Variants in CAPZA2 observed in about 807,000 individuals in gnomAD.
CAPZA2 encodes capping actin protein of muscle Z-line subunit alpha 2, also known as F-actin-capping protein subunit alpha-2.
In CAPZA2, 13 loss-of-function variants were observed where a neutral mutation model predicts 44.0. The observed-to-expected ratio is 0.30, with a 90% CI of 0.19 to 0.47. CAPZA2 has a LOEUF of 0.47. Among genes scored for constraint, CAPZA2 ranks in the 20% least tolerant of loss-of-function variants. The probability of loss-of-function intolerance (pLI) is 1.00; values close to 1 mark genes in which losing one functional copy is unlikely to be tolerated. For missense variants in CAPZA2, 244 were observed against 338.6 expected, an observed-to-expected ratio of 0.72 and a Z score of 2.19; for synonymous variants, 94 against 108.2, an observed-to-expected ratio of 0.87 and a Z score of 0.81.
intron 2 of CAPZA2, 77 bp downstream of exon 2, chr7:116,888,267 A>G (rs1490602096): frequency 2.0e-6 from 2 of 988,116 alleles, no homozygotes. Context: ...AATCAAAATA[A>G]GCTAAGGACA....
chr7:116,908,396 A>T (rs1349991877), intron 6 of CAPZA2, among the ~76,000 whole-genome samples: 1 of 152,168 alleles, frequency 6.6e-6, no homozygotes, highest in Non-Finnish European at 1.5e-5. Flanking sequence ...TTTCTCCAGG[A>T]TCTAGCAGTA....
intron 1 of CAPZA2, among the ~76,000 whole-genome samples, chr7:116,886,269 A>G (rs1478498871): frequency 2.6e-5 from 4 of 152,314 alleles, no homozygotes; most frequent in East Asian, 3.9e-4. Context: ...TCCAGAACCT[A>G]AAGTTCTATT....
intron 1 of CAPZA2, among the ~76,000 whole-genome samples, chr7:116,870,902 A>G (rs1796546593): frequency 6.6e-6 from 1 of 152,224 alleles, no homozygotes; most frequent in African/African-American, 2.4e-5. Context: ...CAACTGGAGA[A>G]CACAGGAAAG....
chr7:116,913,520 ATT>A (rs1791623995), intron 8 of CAPZA2, among the ~76,000 whole-genome samples: 3 of 152,022 alleles, frequency 2.0e-5, no homozygotes, highest in Admixed American at 1.3e-4. Context: ...AAATTTAAGA[ATT>A]TTTGAACTTG....
At chr7:116,903,242 G>GTGTA (rs1377388725) in intron 4 of CAPZA2, among the ~76,000 whole-genome samples, 2 of 147,700 alleles carry the variant, frequency 1.4e-5, no homozygotes, top group Non-Finnish European at 3.0e-5. Flanking sequence ...GAGTGTGTGT[G>GTGTA]TGTGTGTGTG....
chr7:116,863,392 AT>A (rs1796443108), intron 1 of CAPZA2, among the ~76,000 whole-genome samples: 1 of 151,946 alleles, frequency 6.6e-6, no homozygotes, highest in Non-Finnish European at 1.5e-5. Flanking sequence ...CCGGGGGTCG[AT>A]TTGGTGGCAC....
intron 1 of CAPZA2, chr7:116,880,027 G>T: frequency 2.2e-6 from 1 of 452,204 alleles, no homozygotes. Context: ...GAGTATATAG[G>T]CAGTTTCTCC....
At chr7:116,863,074 C>A (rs573298939) in intron 1 of CAPZA2, among the ~76,000 whole-genome samples, 1 of 152,168 alleles carries the variant, frequency 6.6e-6, no homozygotes, top group Non-Finnish European at 1.5e-5. Context: ...GTGCCCAGCG[C>A]GGCGGCCTGG....
intron 2 of CAPZA2, among the ~76,000 whole-genome samples, chr7:116,892,072 T>G (rs527522802): frequency 6.6e-6 from 1 of 152,336 alleles, no homozygotes; most frequent in Admixed American, 6.5e-5. Flanking sequence ...CATACTAAAT[T>G]TTTCTCTTCC....
chr7:116,883,014 C>T (rs187406506), intron 1 of CAPZA2, among the ~76,000 whole-genome samples: 16 of 152,206 alleles, frequency 1.1e-4, no homozygotes, highest in Middle Eastern at 3.4e-3. Flanking sequence ...ATAACTCTTT[C>T]GTGATTTTGA....
chr7:116,912,055 T>G lies in CAPZA2; in HGVS notation c.586-14T>G. On this transcript the variant is annotated splice_polypyrimidine_tract_variant and intron_variant, in intron 7 of 9. Transcript: ENST00000361183. ...TTCCTGTAATGTGGTTTCTGTAATTTCTTTTTCTAATAGGTTCATTATTAT... is the reference window on the plus strand; with the variant it reads ...TTCCTGTAATGTGGTTTCTGTAATTGCTTTTTCTAATAGGTTCATTATTAT... The G allele has an allele frequency of 6.2e-7, 1 of 1,611,580 alleles. No homozygotes were observed. Among genetic ancestry groups the G allele is most frequent in the Non-Finnish European group, 8.5e-7 (1 of 1,178,466 alleles).
At chr7:116,917,141 C>T (rs1416526354) in intron 9 of CAPZA2, among the ~76,000 whole-genome samples, 1 of 152,144 alleles carries the variant, frequency 6.6e-6, no homozygotes, top group Non-Finnish European at 1.5e-5. Flanking sequence ...TTCTGACATA[C>T]TAAAATAAAT....
intron 3 of CAPZA2, among the ~76,000 whole-genome samples, chr7:116,894,410 G>T (rs1796898398): frequency 6.7e-6 from 1 of 150,016 alleles, no homozygotes; most frequent in Non-Finnish European, 1.5e-5. Context: ...TGATTTTATT[G>T]TTAGAACATT....
chr7:116,876,430 T>A (rs1327371883), intron 1 of CAPZA2: 1 of 152,182 alleles, frequency 6.6e-6, no homozygotes, highest in African/African-American at 2.4e-5. Flanking sequence ...CTCTCCTCCC[T>A]TCACATCCAT....
chr7:116,888,353 ATGTAT>A, intron 2 of CAPZA2, 163 bp downstream of exon 2: 1 of 485,002 alleles, frequency 2.1e-6, no homozygotes, highest in Non-Finnish European at 3.6e-6. Flanking sequence ...CTAGAATATA[ATGTAT>A]TTATTTATAT....
intron 1 of CAPZA2, among the ~76,000 whole-genome samples, chr7:116,881,840 G>A (rs1412901265): frequency 6.8e-6 from 1 of 147,180 alleles, no homozygotes; most frequent in Non-Finnish European, 1.5e-5. Context: ...GAATTTTGTT[G>A]TAATGTCTCT....
intron 4 of CAPZA2, among the ~76,000 whole-genome samples, chr7:116,901,881 A>ATATTG: frequency 7.1e-6 from 1 of 140,900 alleles, no homozygotes; most frequent in South Asian, 2.3e-4. Flanking sequence ...TAACGAAGAA[A>ATATTG]TGTGTGTGTG....
At chr7:116,887,600 G>A (rs764391563) in intron 1 of CAPZA2, among the ~76,000 whole-genome samples, 3 of 152,154 alleles carry the variant, frequency 2.0e-5, no homozygotes, top group Non-Finnish European at 4.4e-5. Context: ...GGGAGACTGA[G>A]GCAGGCAGAT....
At chr7:116,909,926 G>A (rs748189398) in intron 6 of CAPZA2, 193 of 294,408 alleles carry the variant, frequency 6.6e-4, no homozygotes, top group African/African-American at 3.7e-3. Flanking sequence ...AACTGATTGT[G>A]ATCAATTAGT....
Sources: gnomAD v4.1 joint callset for allele counts (sites outside exome capture counted in the v4.1 genomes callset) on GRCh38, gnomAD v4.1.1 for gene constraint, MANE v1.5 for transcripts, NCBI Gene and HGNC (gene_info 2026-07-23, HGNC 2026-07-21) for gene names.